MARCHF1: variants seen among roughly 807,000 people sequenced by gnomAD.
MARCHF1 encodes the protein E3 ubiquitin-protein ligase MARCHF1.
MARCHF1 carries 40 observed loss-of-function variants against 54.2 expected under a neutral mutation model. The ratio of observed to expected loss-of-function variants is 0.74; its 90% confidence interval spans 0.57 to 0.96. The LOEUF (loss-of-function observed/expected upper bound fraction) is 0.96, where lower values mean the gene tolerates loss of function less well. Ranked by LOEUF, MARCHF1 falls within the 40% of genes least tolerant of loss-of-function variation. The pLI is 0.00. For synonymous variants in MARCHF1, 236 were observed against 236.3 expected (o/e 1.00, Z 0.01); for missense variants, 586 against 656.5 (o/e 0.89, Z 1.17).
At chr4:163,614,759 C>A (rs1240581805) in intron 5 of MARCHF1, among the ~76,000 whole-genome samples, 2 of 152,028 alleles carry the variant, frequency 1.3e-5, no homozygotes, top group Non-Finnish European at 2.9e-5. Context: ...ATTAAGTTAA[C>A]CATCTTGAGT....
intron 1 of MARCHF1, among the ~76,000 whole-genome samples, chr4:164,304,833 A>G (rs988181986): frequency 2.6e-5 from 4 of 152,156 alleles, no homozygotes; most frequent in African/African-American, 7.2e-5. Flanking sequence ...CAGAGTCCAC[A>G]GGAGGTTTTA....
At chr4:164,248,344 T>C (rs1466280443) in intron 1 of MARCHF1, among the ~76,000 whole-genome samples, 1 of 152,134 alleles carries the variant, frequency 6.6e-6, no homozygotes, top group African/African-American at 2.4e-5. Flanking sequence ...CCAAGGTGCA[T>C]TGTGAGAGTA....
At chr4:163,779,398 G>C (rs1373821233) in intron 4 of MARCHF1, among the ~76,000 whole-genome samples, 2 of 152,172 alleles carry the variant, frequency 1.3e-5, no homozygotes, top group Non-Finnish European at 2.9e-5. Context: ...TAGCAGCAAA[G>C]TTATAGGTTT....
intron 2 of MARCHF1, among the ~76,000 whole-genome samples, chr4:164,054,944 AAG>A (rs1418565223): frequency 6.6e-6 from 1 of 152,160 alleles, no homozygotes; most frequent in African/African-American, 2.4e-5. Context: ...TTTTAAAAAA[AAG>A]AAAATTATTA....
At chr4:163,821,791 G>C (rs915945742) in intron 4 of MARCHF1, among the ~76,000 whole-genome samples, 12 of 32,546 alleles carry the variant, frequency 3.7e-4, no homozygotes, top group Non-Finnish European at 9.8e-4. Flanking sequence ...TGGGAAAAGA[G>C]GGTTTTTTTT....
intron 3 of MARCHF1, among the ~76,000 whole-genome samples, chr4:163,903,981 A>G (rs2111314699): frequency 6.6e-6 from 1 of 152,296 alleles, no homozygotes; most frequent in South Asian, 2.1e-4. Flanking sequence ...AGTGTTTTTA[A>G]TTATTGTGCT....
intron 4 of MARCHF1, among the ~76,000 whole-genome samples, chr4:163,844,503 G>A (rs962791641): frequency 1.3e-5 from 2 of 151,980 alleles, no homozygotes; most frequent in African/African-American, 2.4e-5. Flanking sequence ...TGCCAAGGCC[G>A]ATGTGACTAC....
chr4:163,609,791 A>T (rs115175321), intron 7 of MARCHF1, among the ~76,000 whole-genome samples: 2 of 151,876 alleles, frequency 1.3e-5, no homozygotes, highest in Non-Finnish European at 2.9e-5. Flanking sequence ...AAATGGGCTG[A>T]GGGAAGCACA....
intron 3 of MARCHF1, among the ~76,000 whole-genome samples, chr4:163,965,556 G>A (rs1398052562): frequency 6.6e-6 from 1 of 151,932 alleles, no homozygotes; most frequent in African/African-American, 2.4e-5. Context: ...GGGATGGTAG[G>A]AGCTCCCAAA....
At chr4:163,815,780 A>G (rs866083072) in intron 4 of MARCHF1, among the ~76,000 whole-genome samples, 1 of 152,198 alleles carries the variant, frequency 6.6e-6, no homozygotes, top group African/African-American at 2.4e-5. Flanking sequence ...TGTAAGAGAT[A>G]TTACAGAAAA....
chr4:164,007,133 T>C (rs1753309219), intron 2 of MARCHF1, among the ~76,000 whole-genome samples: 1 of 143,824 alleles, frequency 7.0e-6, no homozygotes, highest in African/African-American at 2.6e-5. Context: ...GATCACGAGG[T>C]CAGGAGATCA....
At chr4:164,251,934 TTTTA>T (rs1298692277) in intron 1 of MARCHF1, among the ~76,000 whole-genome samples, 9 of 152,294 alleles carry the variant, frequency 5.9e-5, no homozygotes, top group Admixed American at 5.9e-4. Flanking sequence ...TAAAAATTAT[TTTTA>T]TTTGATTATT....
chr4:163,579,317 A>T (rs1740139368), intron 8 of MARCHF1, among the ~76,000 whole-genome samples: 1 of 152,244 alleles, frequency 6.6e-6, no homozygotes, highest in Admixed American at 6.5e-5. Context: ...GAGTTTAGGA[A>T]ATAAAACAAA....
chr4:164,101,166 G>A (rs1198566582), intron 2 of MARCHF1, among the ~76,000 whole-genome samples: 1 of 152,208 alleles, frequency 6.6e-6, no homozygotes, highest in Non-Finnish European at 1.5e-5. Flanking sequence ...CAAACTGCAA[G>A]GCAGCAGCGA....
intron 2 of MARCHF1, among the ~76,000 whole-genome samples, chr4:164,068,609 C>T (rs1435753385): frequency 1.3e-5 from 2 of 152,310 alleles, no homozygotes; most frequent in Admixed American, 1.3e-4. Flanking sequence ...CACTCGGGAC[C>T]TGCAACCTGC....
At chr4:163,967,197 G>A (rs1752459036) in intron 3 of MARCHF1, among the ~76,000 whole-genome samples, 1 of 152,088 alleles carries the variant, frequency 6.6e-6, no homozygotes, top group Admixed American at 6.6e-5. Flanking sequence ...ATAAGGCAGT[G>A]GGAAGTAATC....
At chr4:163,894,341 A>C (rs1321287246) in intron 3 of MARCHF1, among the ~76,000 whole-genome samples, 1 of 152,058 alleles carries the variant, frequency 6.6e-6, no homozygotes, top group South Asian at 2.1e-4. Flanking sequence ...ATAAGAAAAT[A>C]TAGAACAAAA....
chr4:164,039,661 TTG>T (rs1442281101), intron 2 of MARCHF1, among the ~76,000 whole-genome samples: 1 of 152,076 alleles, frequency 6.6e-6, no homozygotes, highest in African/African-American at 2.4e-5. Context: ...TCTTAAGACA[TTG>T]TATCTCTCCA....
intron 4 of MARCHF1, among the ~76,000 whole-genome samples, chr4:163,724,131 T>G (rs540444624): frequency 6.6e-6 from 1 of 151,982 alleles, no homozygotes; most frequent in Non-Finnish European, 1.5e-5. Context: ...TTTTCTGCTC[T>G]GTTTTTTCCC....
Sources: allele counts gnomAD v4.1 joint callset (sites outside exome capture counted in the v4.1 genomes callset), GRCh38; gene constraint gnomAD v4.1.1; transcripts MANE v1.5; gene names NCBI Gene and HGNC (gene_info 2026-07-23, HGNC 2026-07-21).